The following SEPTIN7 variants were observed in gnomAD, a reference collection of about 807,000 sequenced individuals.
The protein encoded by SEPTIN7 is septin-7.
In SEPTIN7, 10 loss-of-function variants were observed where a neutral mutation model predicts 63.3. The ratio of observed to expected loss-of-function variants is 0.16; its 90% CI spans 0.10 to 0.27. The LOEUF (loss-of-function observed/expected upper bound fraction) is 0.27, where lower values mean the gene tolerates loss of function less well. Among genes scored for constraint, SEPTIN7 ranks in the 10% least tolerant of loss-of-function variants. The probability of loss-of-function intolerance (pLI) is 1.00; values close to 1 mark genes in which losing one functional copy is unlikely to be tolerated. For synonymous variants in SEPTIN7, 131 were observed against 165.3 expected (o/e 0.79, Z 1.59); for missense variants, 310 against 521.0 (o/e 0.59, Z 3.94).
At chr7:35,810,154 C>A (rs1479883205) in intron 1 of SEPTIN7, among the ~76,000 whole-genome samples, 2 of 152,006 alleles carry the variant, frequency 1.3e-5, no homozygotes, top group Admixed American at 1.3e-4. Context: ...AGAAAATAAA[C>A]ATTTTCTGAT....
At chr7:35,865,071 C>T (rs1235064510) in intron 4 of SEPTIN7, among the ~76,000 whole-genome samples, 2 of 150,044 alleles carry the variant, frequency 1.3e-5, no homozygotes, top group Admixed American at 1.3e-4. Context: ...TTTAAAATTA[C>T]CTGCAAAATT....
downstream of SEPTIN7, among the ~76,000 whole-genome samples, chr7:35,909,122 C>T (rs1788692657): frequency 6.6e-6 from 1 of 152,032 alleles, no homozygotes; most frequent in Admixed American, 6.6e-5. Context: ...AGGAGCTGTC[C>T]AATTTTTTTT....
chr7:35,841,909 T>G (rs1193087462), intron 3 of SEPTIN7, among the ~76,000 whole-genome samples: 1 of 152,180 alleles, frequency 6.6e-6, no homozygotes, highest in Non-Finnish European at 1.5e-5. Flanking sequence ...CAAATACTAT[T>G]GTGGGTCAGG....
intron 3 of SEPTIN7, among the ~76,000 whole-genome samples, chr7:35,843,791 C>T (rs13234117): frequency 0.35 from 53,474 of 151,814 alleles, 9,863 homozygotes; most frequent in East Asian, 0.49. Context: ...AACAAATAGG[C>T]TGATATTTAG....
At chr7:35,825,673 C>G (rs1359004041) in intron 1 of SEPTIN7, among the ~76,000 whole-genome samples, 1 of 152,036 alleles carries the variant, frequency 6.6e-6, no homozygotes, top group East Asian at 1.9e-4. Context: ...TTTTTATTAG[C>G]TTTTATATTC....
chr7:35,804,835 G>GTTTTTTTTTT (rs57782019), intron 1 of SEPTIN7, among the ~76,000 whole-genome samples: 5 of 123,310 alleles, frequency 4.1e-5, no homozygotes, highest in Non-Finnish European at 6.8e-5. Context: ...TTCTTTTTTT[G>GTTTTTTTTTT]TTTTTTTTTT....
rs553627036 is a variant in SEPTIN7, at chr7:35,848,561, G to A, written c.170-14991G>A. ...TATTGAATGATCAATTAGAATTTCA[G>A]GTAATGGGAAGAATTTAGAGGAGCA... On this transcript the variant is annotated intron_variant, in intron 3 of 13. Coordinates refer to ENST00000350320, the MANE Select transcript of SEPTIN7 (RefSeq NM_001788.6). Among the ~76,000 whole-genome samples the A allele has an allele frequency of 2.4e-4, 37 of 152,228 alleles. No homozygotes were observed. The South Asian group carries it at 7.7e-3, about 32-fold the overall frequency.
At chr7:35,866,795 C>A (rs1785829218) in intron 4 of SEPTIN7, among the ~76,000 whole-genome samples, 1 of 152,170 alleles carries the variant, frequency 6.6e-6, no homozygotes, top group Non-Finnish European at 1.5e-5. Context: ...TATATCTGTG[C>A]ATTTCCAGAT....
chr7:35,890,877 G>A (rs1787595411), intron 11 of SEPTIN7, 84 bp downstream of exon 11: 1 of 1,193,504 alleles, frequency 8.4e-7, no homozygotes, highest in Admixed American at 3.9e-5. Flanking sequence ...ATTTCTTCTG[G>A]CTACTCAGTA....
At chr7:35,831,613 C>G (rs1783837779) in intron 2 of SEPTIN7, 117 bp downstream of exon 2, 1 of 274,724 alleles carries the variant, frequency 3.6e-6, no homozygotes. Context: ...ATTTCTAACT[C>G]CACTCATAGC....
At chr7:35,811,456 T>C (rs1309170865) in intron 1 of SEPTIN7, among the ~76,000 whole-genome samples, 1 of 152,226 alleles carries the variant, frequency 6.6e-6, no homozygotes, top group Admixed American at 6.5e-5. Context: ...TTGTATTCTT[T>C]CTAAATATAT....
intron 10 of SEPTIN7, among the ~76,000 whole-genome samples, chr7:35,890,338 T>A (rs1787555178): frequency 6.6e-6 from 1 of 152,140 alleles, no homozygotes; most frequent in African/African-American, 2.4e-5. Flanking sequence ...GTGGCCAATC[T>A]GCACTCTGTT....
intron 1 of SEPTIN7, 96 bp downstream of exon 1, chr7:35,801,366 G>T: frequency 7.1e-7 from 1 of 1,417,162 alleles, no homozygotes; most frequent in Non-Finnish European, 9.3e-7. Context: ...ACGCCCTGAG[G>T]CGAGGCGGAG....
chr7:35,811,225 TAAG>T (rs994154441), intron 1 of SEPTIN7, among the ~76,000 whole-genome samples: 1 of 152,112 alleles, frequency 6.6e-6, no homozygotes, highest in Non-Finnish European at 1.5e-5. Context: ...TTTTAAAAAA[TAAG>T]GAGAGTACCA....
At chr7:35,834,602 C>A (rs1339958665) in intron 3 of SEPTIN7, among the ~76,000 whole-genome samples, 1 of 151,928 alleles carries the variant, frequency 6.6e-6, no homozygotes, top group African/African-American at 2.4e-5. Flanking sequence ...TTCTGTTTTC[C>A]CACTGAGCCT....
At chr7:35,802,366 T>C (rs1788049388) in intron 1 of SEPTIN7, 1 of 187,116 alleles carries the variant, frequency 5.3e-6, no homozygotes, top group Non-Finnish European at 1.2e-5. Flanking sequence ...GTTTTTACAG[T>C]CCTAGGAAAG....
At chr7:35,915,428 T>G in the SEPTIN7 span, among the ~76,000 whole-genome samples, 3 of 152,250 alleles carry the variant, frequency 2.0e-5, no homozygotes, top group Non-Finnish European at 2.9e-5. Context: ...GCATTAATTT[T>G]GCAATTAAAA....
intron 1 of SEPTIN7, among the ~76,000 whole-genome samples, chr7:35,829,117 TCATGGACC>T: frequency 6.8e-6 from 1 of 146,504 alleles, no homozygotes; most frequent in Non-Finnish European, 1.5e-5. Flanking sequence ...TCATTATAGT[TCATGGACC>T]TTCTTTTTTT....
At chr7:35,884,689 T>C (rs951772149) in intron 9 of SEPTIN7, among the ~76,000 whole-genome samples, 1 of 152,136 alleles carries the variant, frequency 6.6e-6, no homozygotes, top group African/African-American at 2.4e-5. Context: ...ACATCCACAG[T>C]CTTCTTTCCT....
Sources: allele counts gnomAD v4.1 joint callset (sites outside exome capture counted in the v4.1 genomes callset), GRCh38; gene constraint gnomAD v4.1.1; transcripts MANE v1.5; gene names NCBI Gene and HGNC (gene_info 2026-07-23, HGNC 2026-07-21).